Variants in RNLS observed in about 807,000 individuals in gnomAD.
RNLS encodes renalase, FAD dependent amine oxidase.
Under a neutral mutation model 39.8 loss-of-function variants are expected in RNLS, and 39 were observed. That is an observed-to-expected ratio of 0.98 (90% CI 0.76 to 1.28). The LOEUF (loss-of-function observed/expected upper bound fraction) is 1.28, where lower values mean the gene tolerates loss of function less well. Among genes scored for constraint, RNLS ranks in the 50% most tolerant of loss-of-function variants. The pLI, the probability that RNLS is intolerant of heterozygous loss-of-function variation, is 0.00. For synonymous variants in RNLS, 147 were observed against 150.7 expected (o/e 0.98, Z 0.18); for missense variants, 410 against 413.3 (o/e 0.99, Z 0.07).
chr10:88,250,119 C>T, the RNLS span, among the ~76,000 whole-genome samples: 7 of 152,182 alleles, frequency 4.6e-5, no homozygotes, highest in Non-Finnish European at 7.3e-5. Context: ...TTTGTGCTAC[C>T]GTGACTCATC....
chr10:88,242,975 A>AAACAAACC, the RNLS span, among the ~76,000 whole-genome samples: 1,462 of 144,642 alleles, frequency 0.01, 23 homozygotes, highest in African/African-American at 0.035. Context: ...ACAAACAAAC[A>AAACAAACC]AACCCATAAG....
chr10:88,218,392 G>A, the RNLS span, among the ~76,000 whole-genome samples: 8 of 152,206 alleles, frequency 5.3e-5, no homozygotes, highest in African/African-American at 2.4e-5. Flanking sequence ...ACAATGGTGG[G>A]CGGGCTGCCG....
chr10:88,258,098 C>T, the RNLS span, among the ~76,000 whole-genome samples: 1 of 152,136 alleles, frequency 6.6e-6, no homozygotes, highest in East Asian at 1.9e-4. Context: ...TTCCTCGTCT[C>T]TGAGAAATCA....
chr10:88,461,895 T>A (rs542884219), intron 4 of RNLS, among the ~76,000 whole-genome samples: 1 of 152,080 alleles, frequency 6.6e-6, no homozygotes, highest in Non-Finnish European at 1.5e-5. Context: ...TGAAATTACA[T>A]CATCATGAAA....
At chr10:88,272,342 A>G (rs1842672943), downstream of RNLS, among the ~76,000 whole-genome samples, 2 of 152,184 alleles carry the variant, frequency 1.3e-5, no homozygotes, top group Middle Eastern at 3.4e-3. Context: ...TGTTATTTTA[A>G]TTTTTTAAAA....
chr10:88,248,321 T>C, the RNLS span, among the ~76,000 whole-genome samples: 1 of 152,258 alleles, frequency 6.6e-6, no homozygotes, highest in Non-Finnish European at 1.5e-5. Context: ...TTCTTACTTA[T>C]TGTAGTACTG....
At chr10:88,310,772 T>G (rs1342616055) in intron 6 of RNLS, among the ~76,000 whole-genome samples, 2 of 114,836 alleles carry the variant, frequency 1.7e-5, no homozygotes, top group Non-Finnish European at 3.3e-5. Context: ...CACTCCAGCC[T>G]GGGTGACAGA....
intron 4 of RNLS, among the ~76,000 whole-genome samples, chr10:88,412,532 A>C (rs994395550): frequency 2.6e-5 from 4 of 152,184 alleles, no homozygotes; most frequent in Non-Finnish European, 5.9e-5. Context: ...GAGTTTTAAT[A>C]AAGTTAGAAC....
intron 4 of RNLS, among the ~76,000 whole-genome samples, chr10:88,373,139 C>T (rs964892247): frequency 3.9e-5 from 6 of 152,062 alleles, no homozygotes; most frequent in Non-Finnish European, 7.4e-5. Flanking sequence ...TATTACATGT[C>T]ACCTCATATT....
the RNLS span, among the ~76,000 whole-genome samples, chr10:88,241,905 CTCTCTCTG>C: frequency 9.2e-5 from 14 of 151,968 alleles, no homozygotes; most frequent in East Asian, 1.9e-4. Context: ...TTCCTCTTTT[CTCTCTCTG>C]TCTCTCTGTC....
Position 88,284,469 on chromosome 10 carries a change from A to C in RNLS, c.*885T>G, listed in dbSNP as rs1843137049. On this transcript the variant is annotated 3_prime_UTR_variant, in exon 7 of 7. Transcript: ENST00000331772. Reference sequence around the variant, plus strand: ...AAGCATGTGGGTGATATGCTGAACCACCAACTTGGCAAATATTGAACTATT... The same window carrying C: ...AAGCATGTGGGTGATATGCTGAACCCCCAACTTGGCAAATATTGAACTATT... 1 of 985,232 alleles carries C rather than the reference A, an allele frequency of 1.0e-6. No homozygotes were observed. The highest frequency in any genetic ancestry group is 1.7e-5 in the African/African-American group (1 of 57,214). The allele number at this position is 985,232 out of a possible 1,614,324, so 61.0% of individuals were successfully genotyped here. A position where few individuals can be genotyped will look rare whatever the true frequency, so the allele number is the denominator to read the frequency against.
intron 4 of RNLS, among the ~76,000 whole-genome samples, chr10:88,414,380 CT>C (rs1306966351): frequency 6.6e-6 from 1 of 152,082 alleles, no homozygotes; most frequent in Non-Finnish European, 1.5e-5. Flanking sequence ...GTTTCCATTT[CT>C]TTTCTTTACA....
intron 4 of RNLS, among the ~76,000 whole-genome samples, chr10:88,376,440 G>A (rs1851004884): frequency 1.3e-5 from 2 of 152,174 alleles, no homozygotes; most frequent in South Asian, 4.1e-4. Flanking sequence ...ATATAGATGA[G>A]TCAATGTCGC....
At chr10:88,339,491 A>C (rs113771715) in intron 5 of RNLS, among the ~76,000 whole-genome samples, 22 of 152,318 alleles carry the variant, frequency 1.4e-4, no homozygotes, top group African/African-American at 5.3e-4. Context: ...CTCAGGTTGA[A>C]GTCATGGTCT....
intron 4 of RNLS, among the ~76,000 whole-genome samples, chr10:88,509,846 A>G (rs1244968752): frequency 2.0e-5 from 3 of 152,142 alleles, no homozygotes; most frequent in Non-Finnish European, 4.4e-5. Flanking sequence ...TGGTCATATA[A>G]CCTTTCTTCC....
the RNLS span, among the ~76,000 whole-genome samples, chr10:88,223,786 A>G: frequency 6.6e-6 from 1 of 152,278 alleles, no homozygotes; most frequent in African/African-American, 2.4e-5. Flanking sequence ...CCGTGACCTG[A>G]AATGTGTGAA....
the RNLS span, among the ~76,000 whole-genome samples, chr10:88,260,920 T>C: frequency 6.6e-6 from 1 of 152,232 alleles, no homozygotes; most frequent in Non-Finnish European, 1.5e-5. Flanking sequence ...CTTTATTGCT[T>C]TCAGCAAAAG....
chr10:88,468,393 T>C lies in RNLS; in HGVS notation c.526+104510A>G, dbSNP rs371042932. Among the ~76,000 whole-genome samples the C allele has an allele frequency of 2.4e-4, 36 of 152,326 alleles. No individual in the cohort carries two copies. In the South Asian group the frequency reaches 4.1e-3, roughly 18 times the overall value. ...CTGGACCAGGAGCATAGAATTTGACTTTCAGTTATCCGGTAACCTAACGAG... is the reference window on the plus strand; with the variant it reads ...CTGGACCAGGAGCATAGAATTTGACCTTCAGTTATCCGGTAACCTAACGAG... On this transcript the variant is annotated intron_variant, in intron 4 of 6. Coordinates refer to ENST00000331772, the MANE Select transcript of RNLS (RefSeq NM_001031709.3).
At chr10:88,527,928 C>T (rs555801648) in intron 4 of RNLS, among the ~76,000 whole-genome samples, 2 of 148,968 alleles carry the variant, frequency 1.3e-5, no homozygotes, top group Admixed American at 6.7e-5. Flanking sequence ...AAGGACACTA[C>T]AATAAAAATA....
Sources: allele counts gnomAD v4.1 joint callset (sites outside exome capture counted in the v4.1 genomes callset), GRCh38; gene constraint gnomAD v4.1.1; transcripts MANE v1.5; gene names NCBI Gene and HGNC (gene_info 2026-07-23, HGNC 2026-07-21).